The following SDK1 variants were observed in gnomAD, a reference collection of about 807,000 sequenced individuals.
SDK1 encodes the protein sidekick cell adhesion molecule 1, also known as protein sidekick-1.
A neutral mutation model predicts 245.5 loss-of-function variants in SDK1; 157 were observed. The ratio of observed to expected loss-of-function variants is 0.64; its 90% CI spans 0.56 to 0.73. The LOEUF is 0.73. Among genes scored for constraint, SDK1 ranks in the 30% least tolerant of loss-of-function variants. The probability of loss-of-function intolerance (pLI) is 0.00; values close to 1 mark genes in which losing one functional copy is unlikely to be tolerated. For missense variants in SDK1, 3,583 were observed against 3,002.3 expected (o/e 1.19, Z -4.52); for synonymous variants, 1,647 against 1,278.5 (o/e 1.29, Z -6.15).
intron 5 of SDK1, among the ~76,000 whole-genome samples, chr7:3,853,001 C>A (rs1477126704): frequency 6.6e-6 from 1 of 152,032 alleles, no homozygotes; most frequent in Non-Finnish European, 1.5e-5. Flanking sequence ...GAGCATTTGT[C>A]ATTTGGATGA....
At chr7:3,894,335 A>G (rs11973380) in intron 5 of SDK1, among the ~76,000 whole-genome samples, 29,925 of 151,746 alleles carry the variant, frequency 0.2, 3,104 homozygotes, top group Middle Eastern at 0.34. Flanking sequence ...GGCTGCAACA[A>G]CCTGAGCCAG....
intron 35 of SDK1, among the ~76,000 whole-genome samples, chr7:4,199,718 A>G (rs530200014): frequency 6.6e-5 from 10 of 152,250 alleles, no homozygotes; most frequent in Admixed American, 5.9e-4. Flanking sequence ...CCCAGCTGCC[A>G]CACCTGTGCT....
chr7:3,756,762 T>C lies in SDK1; in HGVS notation c.714-64688T>C, dbSNP rs112412288. Among the ~76,000 whole-genome samples the C allele has an allele frequency of 7.2e-5, 11 of 152,246 alleles. 1 individual carries two copies. The highest frequency in any genetic ancestry group is 4.2e-4 in the South Asian group (2 of 4,814). ...AGAGTCCTCGTCAGGCATCTTTGGG[T>C]CGTGTCCCTATATTTGGGTGTATCT... On this transcript the variant is annotated intron_variant, in intron 4 of 44. Coordinates refer to ENST00000404826, the MANE Select transcript of SDK1 (RefSeq NM_152744.4).
rs1217332400 is a variant in SDK1 at position 4,145,129 on chromosome 7, T to C, written c.4229-593T>C. Among the ~76,000 whole-genome samples the C allele has an allele frequency of 2.6e-5, 4 of 152,106 alleles. No individual in the cohort carries two copies. The East Asian group carries it at 7.8e-4, about 30-fold the overall frequency. ...TCAACTGGGCAGCACAGGGGGATTC[T>C]GTAAGCAGAGCTGCCCTGGCGGAGC... is the stretch of plus-strand genomic sequence containing the variant. On this transcript the variant is annotated intron_variant, in intron 28 of 44. Coordinates refer to ENST00000404826, the MANE Select transcript of SDK1 (RefSeq NM_152744.4).
At chr7:4,006,825 G>C (rs1785517770) in intron 14 of SDK1, among the ~76,000 whole-genome samples, 5 of 152,226 alleles carry the variant, frequency 3.3e-5, no homozygotes, top group Admixed American at 3.3e-4. Flanking sequence ...TCTGAACCCT[G>C]AGGCTGGGGT....
chr7:3,864,001 A>G (rs1780759422), intron 5 of SDK1, among the ~76,000 whole-genome samples: 1 of 152,162 alleles, frequency 6.6e-6, no homozygotes, highest in Non-Finnish European at 1.5e-5. Context: ...TTTTGGGGAC[A>G]CATCATACTG....
intron 1 of SDK1, among the ~76,000 whole-genome samples, chr7:3,527,224 A>G (rs749188009): frequency 1.5e-4 from 23 of 152,326 alleles, no homozygotes; most frequent in Admixed American, 7.8e-4. Context: ...TGTTGTAAGC[A>G]ATGGGAATGC....
At chr7:3,813,089 C>T (rs1435982171) in intron 4 of SDK1, among the ~76,000 whole-genome samples, 7 of 152,034 alleles carry the variant, frequency 4.6e-5, no homozygotes, top group Non-Finnish European at 8.8e-5. Flanking sequence ...TACTTGAAAG[C>T]AATTTTATTT....
At chr7:3,741,926 A>G (rs1355656137) in intron 4 of SDK1, among the ~76,000 whole-genome samples, 1 of 151,412 alleles carries the variant, frequency 6.6e-6, no homozygotes, top group Non-Finnish European at 1.5e-5. Context: ...TATCTTGACC[A>G]TAAGCCCAAT....
At chr7:4,124,530 T>C (rs557487462) in intron 25 of SDK1, among the ~76,000 whole-genome samples, 4 of 152,348 alleles carry the variant, frequency 2.6e-5, no homozygotes, top group Admixed American at 2.6e-4. Flanking sequence ...GGGCCCACCC[T>C]ATGCAGTATG....
intron 22 of SDK1, among the ~76,000 whole-genome samples, chr7:4,083,898 C>T (rs1781260922): frequency 6.6e-6 from 1 of 151,324 alleles, no homozygotes; most frequent in East Asian, 2.0e-4. Context: ...AGGGTGGGGG[C>T]ACGTAGGTCT....
chr7:3,521,403 G>A (rs1782934312), intron 1 of SDK1, among the ~76,000 whole-genome samples: 1 of 147,520 alleles, frequency 6.8e-6, no homozygotes, highest in Admixed American at 6.9e-5. Flanking sequence ...GGGCCACTCT[G>A]CCTACCACAG....
intron 28 of SDK1, among the ~76,000 whole-genome samples, 174 bp from the exon 29 acceptor site, chr7:4,145,548 G>A (rs998435857): frequency 6.6e-6 from 1 of 152,108 alleles, no homozygotes; most frequent in Non-Finnish European, 1.5e-5. Context: ...TCCACGTGGG[G>A]CCCCACCATT....
At chr7:4,193,287 TA>T (rs1435389784) in intron 35 of SDK1, among the ~76,000 whole-genome samples, 7 of 134,334 alleles carry the variant, frequency 5.2e-5, no homozygotes, top group East Asian at 2.0e-4. Flanking sequence ...AAAATACATA[TA>T]AAATTACATA....
intron 1 of SDK1, among the ~76,000 whole-genome samples, chr7:3,494,222 G>A (rs1439460246): frequency 6.6e-6 from 1 of 152,120 alleles, no homozygotes; most frequent in African/African-American, 2.4e-5. Context: ...TTTATTTTGA[G>A]TCAGTGTTTC....
Position 3,969,327 on chromosome 7 carries a change from G to A in SDK1, c.1617G>A (p.Gln539=), listed in dbSNP as rs377274613. Residue 539 remains glutamine (Q), a synonymous_variant, in exon 11 of 45, where the codon CAG becomes CAA. Transcript: ENST00000404826. ...RFMLLESGGL[Q]IAPVFIQDAG... is the part of the protein sequence containing the mutation. ...TGCTTCTTGAATCGGGGGGTCTACA[G>A]ATCGCGCCCGTCTTCATCCAGGATG... The A allele has an allele frequency of 1.2e-6, 2 of 1,611,376 alleles. No homozygotes were observed. The highest frequency in any genetic ancestry group is 1.7e-6 in the Non-Finnish European group (2 of 1,178,910).
chr7:4,028,482 G>C (rs531671156), intron 17 of SDK1, among the ~76,000 whole-genome samples: 1 of 152,320 alleles, frequency 6.6e-6, no homozygotes. Context: ...TCTGGTGGTT[G>C]GGTGGGAGGC....
chr7:4,045,780 T>C (rs988279033), intron 17 of SDK1, among the ~76,000 whole-genome samples: 1 of 152,152 alleles, frequency 6.6e-6, no homozygotes, highest in Non-Finnish European at 1.5e-5. Context: ...GTCCTTCTAA[T>C]AGGGGTCCAG....
chr7:4,121,510 C>T (rs1355555730), intron 25 of SDK1, among the ~76,000 whole-genome samples: 1 of 152,200 alleles, frequency 6.6e-6, no homozygotes, highest in Non-Finnish European at 1.5e-5. Context: ...GCTTCCCCTT[C>T]ACCTTCCATC....
Sources: allele counts gnomAD v4.1 joint callset (sites outside exome capture counted in the v4.1 genomes callset), GRCh38; gene constraint gnomAD v4.1.1; transcripts MANE v1.5; gene names NCBI Gene and HGNC (gene_info 2026-07-23, HGNC 2026-07-21).